Variants in CSMD1 observed in about 807,000 individuals in gnomAD.
CSMD1 encodes CUB and sushi domain-containing protein 1.
Under a neutral mutation model 417.5 loss-of-function variants are expected in CSMD1, and 213 were observed. That is an observed-to-expected ratio of 0.51 (90% CI 0.46 to 0.57). The LOEUF (loss-of-function observed/expected upper bound fraction) is 0.57, where lower values mean the gene tolerates loss of function less well. CSMD1 is among the 20% of genes least tolerant of loss of function. The pLI is 0.00. For missense variants in CSMD1, 6,923 were observed against 4,529.7 expected, an observed-to-expected ratio of 1.53 and a Z score of -15.17; for synonymous variants, 2,862 against 1,736.8, an observed-to-expected ratio of 1.65 and a Z score of -16.11.
chr8:4,104,852 A>C (rs552598507), intron 3 of CSMD1, among the ~76,000 whole-genome samples: 3 of 152,218 alleles, frequency 2.0e-5, no homozygotes, highest in African/African-American at 7.2e-5. Context: ...CTGAGTGCTT[A>C]GCCTTACATT....
intron 6 of CSMD1, among the ~76,000 whole-genome samples, chr8:3,731,197 T>A (rs1454552048): frequency 6.6e-6 from 1 of 152,216 alleles, no homozygotes; most frequent in Non-Finnish European, 1.5e-5. Context: ...TCTTACCCAT[T>A]AAGCAGTTTC....
chr8:3,119,792 T>C (rs552328140), intron 41 of CSMD1, among the ~76,000 whole-genome samples: 21 of 152,284 alleles, frequency 1.4e-4, no homozygotes, highest in Non-Finnish European at 2.2e-4. Context: ...AGCCACACCA[T>C]GCAGCACCAG....
At chr8:4,452,812 A>G (rs1018226416) in intron 2 of CSMD1, among the ~76,000 whole-genome samples, 2 of 152,246 alleles carry the variant, frequency 1.3e-5, no homozygotes, top group East Asian at 1.9e-4. Context: ...AAAATCCCCC[A>G]GTCCTCAATA....
At chr8:3,559,040 A>G (rs765318771) in intron 10 of CSMD1, among the ~76,000 whole-genome samples, 9 of 152,234 alleles carry the variant, frequency 5.9e-5, no homozygotes, top group Admixed American at 2.0e-4. Context: ...GATTGGTGAC[A>G]TGTAAAGGAC....
Position 4,019,229 on chromosome 8 carries a change from G to A in CSMD1, c.610+12676C>T, listed in dbSNP as rs141921869. Among the ~76,000 whole-genome samples, 534 of 152,324 alleles carry A rather than the reference G, an allele frequency of 3.5e-3. 13 individuals are homozygous for A. Among genetic ancestry groups the A allele is most frequent in the Admixed American group, 0.031 (479 of 15,304 alleles). Reference sequence around the variant, plus strand: ...ATAAACCTGAGAGAGGCTCCTGGCTGAGTTAGGTCAGAGGCACTCTCTCTT... The same window carrying A: ...ATAAACCTGAGAGAGGCTCCTGGCTAAGTTAGGTCAGAGGCACTCTCTCTT... On this transcript the variant is annotated intron_variant, in intron 4 of 69. Transcript: ENST00000635120.
chr8:4,932,101 C>A (rs150534222), intron 1 of CSMD1, among the ~76,000 whole-genome samples: 2 of 152,128 alleles, frequency 1.3e-5, no homozygotes, highest in East Asian at 3.9e-4. Flanking sequence ...AAGCAATTTT[C>A]ATTTGGAATC....
intron 57 of CSMD1, among the ~76,000 whole-genome samples, chr8:2,972,862 G>A (rs73179594): frequency 0.08 from 12,159 of 152,176 alleles, 531 homozygotes; most frequent in East Asian, 0.13. Flanking sequence ...TTATCACTGG[G>A]AGAAGATTAG....
chr8:4,867,118 T>A (rs1321524512), intron 1 of CSMD1, among the ~76,000 whole-genome samples: 1 of 152,040 alleles, frequency 6.6e-6, no homozygotes, highest in African/African-American at 2.4e-5. Flanking sequence ...TGATATGAAC[T>A]TCATGAACTA....
chr8:3,112,296 G>C (rs10503194), intron 42 of CSMD1, among the ~76,000 whole-genome samples: 5,912 of 152,264 alleles, frequency 0.039, 389 homozygotes, highest in African/African-American at 0.13. Flanking sequence ...TAGTAATTTA[G>C]TGTGGACTTA....
At position 3,108,697 on chromosome 8, in the gene CSMD1, T is replaced by C. The variant is rs1206609781; in HGVS notation, c.6660A>G (p.Thr2220=). ...TGGAGCTATACGCCGTTTCGAGGGC[T>C]GTGTTGCCACTGAAAACTCCCAGCT... ...SPQLGVFSGN[T]ALETAYSSTN... Residue 2220 remains threonine (T), a synonymous_variant, in exon 44 of 70, where the codon ACA becomes ACG. Coordinates refer to ENST00000635120, the MANE Select transcript of CSMD1 (RefSeq NM_033225.6). The C allele has an allele frequency of 1.2e-6, 2 of 1,613,452 alleles. No individual in the cohort carries two copies. Among genetic ancestry groups the C allele is most frequent in the African/African-American group, 2.7e-5 (2 of 74,914 alleles).
At chr8:3,057,487 C>G (rs1029335466) in intron 49 of CSMD1, among the ~76,000 whole-genome samples, 3 of 152,050 alleles carry the variant, frequency 2.0e-5, no homozygotes, top group African/African-American at 7.3e-5. Context: ...TGTATACACA[C>G]TTATAGCTAT....
intron 5 of CSMD1, among the ~76,000 whole-genome samples, chr8:3,796,701 A>G (rs113935199): frequency 0.023 from 3,476 of 150,826 alleles, 143 homozygotes; most frequent in African/African-American, 0.08. Flanking sequence ...AGAAAAGATG[A>G]GAATGGGTAG....
At chr8:3,583,886 C>A (rs139283668) in intron 9 of CSMD1, among the ~76,000 whole-genome samples, 1 of 151,612 alleles carries the variant, frequency 6.6e-6, no homozygotes, top group African/African-American at 2.4e-5. Context: ...TCAACTGATG[C>A]AACTAGATAG....
chr8:3,498,308 T>A (rs923541900), intron 10 of CSMD1, among the ~76,000 whole-genome samples: 2 of 152,234 alleles, frequency 1.3e-5, no homozygotes, highest in Non-Finnish European at 2.9e-5. Context: ...GTATATGTGG[T>A]ACTTTGATAC....
At position 3,409,531 on chromosome 8, in the gene CSMD1, C is replaced by T. The variant is rs373233217; in HGVS notation, c.1636G>A (p.Gly546Arg). 3.1e-6 allele frequency: 5 copies of T among 1,611,294 alleles called. No homozygotes were observed. The African/African-American group carries it at 4.0e-5, about 13-fold the overall frequency. The change falls in exon 13 of 70, where the codon GGA becomes AGA. Residue 546 changes from glycine (G) to arginine (R), a missense_variant. By Grantham distance (125) the Gly-to-Arg change is moderately radical (BLOSUM62 -2). Transcript: ENST00000635120. The part of the protein sequence containing the change: ...GKRTGSSFLH[G>R]DTLTFECPAA... ...GGGCATTCAAAGGTGAGTGTATCTC[C>T]ATGGAGGAAACTGCTGCCCGTCCGC...
At chr8:4,561,500 T>A (rs554099522) in intron 2 of CSMD1, among the ~76,000 whole-genome samples, 1 of 152,248 alleles carries the variant, frequency 6.6e-6, no homozygotes, top group East Asian at 1.9e-4. Flanking sequence ...CTGGGCAACA[T>A]GGTGAAACCC....
chr8:4,294,919 A>G (rs1055781085), intron 3 of CSMD1, among the ~76,000 whole-genome samples: 2 of 151,554 alleles, frequency 1.3e-5, no homozygotes, highest in African/African-American at 2.4e-5. Context: ...TCAGGTAACC[A>G]TGTGGTCCTA....
chr8:3,760,402 C>T (rs984988962), intron 5 of CSMD1, among the ~76,000 whole-genome samples: 3 of 152,182 alleles, frequency 2.0e-5, no homozygotes, highest in South Asian at 2.1e-4. Flanking sequence ...CTTACAGTTA[C>T]GACGACCTCC....
intron 2 of CSMD1, among the ~76,000 whole-genome samples, chr8:4,610,651 T>C (rs1478272): frequency 6.6e-6 from 1 of 152,088 alleles, no homozygotes; most frequent in African/African-American, 2.4e-5. Flanking sequence ...TATAAATAGT[T>C]GATTTAATTC....
Sources: allele counts gnomAD v4.1 joint callset (sites outside exome capture counted in the v4.1 genomes callset), GRCh38; gene constraint gnomAD v4.1.1; transcripts MANE v1.5; gene names NCBI Gene and HGNC (gene_info 2026-07-23, HGNC 2026-07-21).